The following PTPRN2 variants were observed in gnomAD, a reference collection of about 807,000 sequenced individuals.
PTPRN2 encodes the protein protein tyrosine phosphatase receptor type N2.
PTPRN2 carries 74 observed loss-of-function variants against 118.8 expected under a neutral mutation model. That is an observed-to-expected ratio of 0.62 (90% confidence interval 0.52 to 0.76). The LOEUF (loss-of-function observed/expected upper bound fraction) is 0.76, where lower values mean the gene tolerates loss of function less well. Ranked by LOEUF, PTPRN2 falls within the 30% of genes least tolerant of loss-of-function variation. The pLI is 0.00. For missense variants in PTPRN2, 1,481 were observed against 1,394.4 expected (o/e 1.06, Z -0.99); for synonymous variants, 641 against 608.0 (o/e 1.05, Z -0.80).
At chr7:157,910,705 C>CGTGTGT (rs34091528) in intron 11 of PTPRN2, among the ~76,000 whole-genome samples, 50 of 151,282 alleles carry the variant, frequency 3.3e-4, no homozygotes, top group African/African-American at 7.7e-4. Context: ...CGGCAGGGCA[C>CGTGTGT]GTGTGTGTGT....
At chr7:158,361,632 C>T (rs971405439) in intron 2 of PTPRN2, among the ~76,000 whole-genome samples, 2 of 152,222 alleles carry the variant, frequency 1.3e-5, no homozygotes, top group African/African-American at 2.4e-5. Flanking sequence ...CGGAGCCAGC[C>T]CTGCCCTCAG....
At chr7:158,343,423 G>A (rs1248334501) in intron 2 of PTPRN2, among the ~76,000 whole-genome samples, 1 of 152,208 alleles carries the variant, frequency 6.6e-6, no homozygotes, top group Non-Finnish European at 1.5e-5. Flanking sequence ...GCGTGTGGGT[G>A]AGAACATGGA....
At chr7:158,142,552 G>C (rs556559705) in intron 6 of PTPRN2, among the ~76,000 whole-genome samples, 27 of 152,310 alleles carry the variant, frequency 1.8e-4, no homozygotes, top group African/African-American at 5.3e-4. Flanking sequence ...GATTGGCATG[G>C]AGGCCGCGTA....
At chr7:157,736,564 C>T (rs1481561566) in intron 12 of PTPRN2, among the ~76,000 whole-genome samples, 1 of 152,024 alleles carries the variant, frequency 6.6e-6, no homozygotes, top group Non-Finnish European at 1.5e-5. Context: ...CCGCCCCCCA[C>T]AGCTTGGTCT....
intron 2 of PTPRN2, among the ~76,000 whole-genome samples, chr7:158,421,558 T>C (rs1208558916): frequency 1.3e-5 from 2 of 152,252 alleles, no homozygotes; most frequent in South Asian, 4.1e-4. Flanking sequence ...ACGCAGCAGA[T>C]GGCTTGGATT....
intron 12 of PTPRN2, among the ~76,000 whole-genome samples, chr7:157,737,646 C>T (rs1800380969): frequency 6.6e-6 from 1 of 152,242 alleles, no homozygotes; most frequent in Admixed American, 6.5e-5. Context: ...AGAGTGTTCC[C>T]CTACAGGGAG....
intron 9 of PTPRN2, among the ~76,000 whole-genome samples, chr7:158,118,079 A>C (rs117619431): frequency 6.6e-6 from 1 of 152,204 alleles, no homozygotes; most frequent in Non-Finnish European, 1.5e-5. Flanking sequence ...ATATGATTTA[A>C]GAGACTAGTA....
chr7:158,020,937 A>C (rs1011955715), intron 11 of PTPRN2, among the ~76,000 whole-genome samples: 7 of 152,160 alleles, frequency 4.6e-5, no homozygotes, highest in Non-Finnish European at 7.4e-5. Context: ...TCTATAGAGG[A>C]GGCTGTTCCT....
intron 12 of PTPRN2, among the ~76,000 whole-genome samples, chr7:157,687,545 T>C (rs1797258938): frequency 6.6e-6 from 1 of 152,234 alleles, no homozygotes; most frequent in African/African-American, 2.4e-5. Flanking sequence ...CAGATTTCAG[T>C]CCCAGCCTCA....
intron 13 of PTPRN2, among the ~76,000 whole-genome samples, chr7:157,678,033 A>T (rs1334932012): frequency 1.3e-5 from 2 of 152,226 alleles, no homozygotes; most frequent in African/African-American, 4.8e-5. Flanking sequence ...AGGATTATAA[A>T]ATTAGAAAAA....
intron 9 of PTPRN2, among the ~76,000 whole-genome samples, chr7:158,130,615 C>A (rs111204875): frequency 0.014 from 2,133 of 150,322 alleles, 69 homozygotes; most frequent in African/African-American, 0.043. Context: ...ACCCTACATA[C>A]ACACTCATAT....
intron 1 of PTPRN2, among the ~76,000 whole-genome samples, chr7:158,559,943 T>C (rs1232387645): frequency 6.6e-6 from 1 of 152,230 alleles, no homozygotes; most frequent in Non-Finnish European, 1.5e-5. Flanking sequence ...TGCACATTGT[T>C]CTCCAACAGA....
At chr7:158,185,441 CAGAGG>C (rs1825055462) in intron 5 of PTPRN2, among the ~76,000 whole-genome samples, 1 of 152,172 alleles carries the variant, frequency 6.6e-6, no homozygotes, top group Admixed American at 6.5e-5. Context: ...CAGTTACTGA[CAGAGG>C]AGAGTTTCAA....
rs10282105 is a variant in PTPRN2, at chr7:157,611,336, C to T, written c.2345-7261G>A. 1.0e-2 allele frequency among the ~76,000 whole-genome samples: 1,517 copies of T among 152,262 alleles called. 31 individuals are homozygous for T. The highest frequency in any genetic ancestry group is 0.035 in the African/African-American group (1,434 of 41,546). Reference sequence around the variant, plus strand: ...CCCTGGGGGATTCCCATACCTGAAGCGATTTTAACCCACACTAGTCTCATC... The same window carrying T: ...CCCTGGGGGATTCCCATACCTGAAGTGATTTTAACCCACACTAGTCTCATC... On this transcript the variant is annotated intron_variant, in intron 15 of 22. Transcript: ENST00000389418. The surrounding 1 kb of genome is among the most constrained non-coding windows in gnomAD (Gnocchi z 5.9).
intron 5 of PTPRN2, among the ~76,000 whole-genome samples, chr7:158,191,697 G>C: frequency 6.6e-6 from 1 of 152,144 alleles, no homozygotes; most frequent in East Asian, 1.9e-4. Context: ...TCTGTGATGC[G>C]GGTCCTTGCA....
At chr7:158,366,445 ACACACACC>A (rs1228871753) in intron 2 of PTPRN2, among the ~76,000 whole-genome samples, 8 of 151,754 alleles carry the variant, frequency 5.3e-5, no homozygotes, top group Admixed American at 1.3e-4. Context: ...GTGCACACGC[ACACACACC>A]CACACACCCA....
chr7:157,697,925 T>G (rs1403515894), intron 12 of PTPRN2, among the ~76,000 whole-genome samples: 1 of 145,816 alleles, frequency 6.9e-6, no homozygotes, highest in Admixed American at 6.8e-5. Context: ...GCATACTGGG[T>G]CTTGGCAGAG....
intron 2 of PTPRN2, among the ~76,000 whole-genome samples, chr7:158,449,783 T>A (rs1192359371): frequency 2.0e-5 from 3 of 152,210 alleles, no homozygotes; most frequent in Admixed American, 6.5e-5. Context: ...CTTAGTTCAT[T>A]CACAATCGCA....
In PTPRN2 at chr7:157,656,478, C is replaced by T. The variant is rs1806099919; in HGVS notation, c.2075G>A (p.Ser692Asn). 6.4e-7 allele frequency: 1 copy of T among 1,555,212 alleles called. No individual in the cohort carries two copies. Among genetic ancestry groups the T allele is most frequent in the South Asian group, 1.2e-5 (1 of 84,756 alleles). Residue 692 changes from serine (S) to asparagine (N), a missense_variant, in exon 14 of 23, where the codon AGC becomes AAC. Coordinates refer to ENST00000389418, the MANE Select transcript of PTPRN2 (RefSeq NM_002847.5). ...CCCGTCGCTGAACTGGGATGAGACGCTGCTGATGCGTGACGTGTGCGGGCC... is the reference window on the plus strand; with the variant it reads ...CCCGTCGCTGAACTGGGATGAGACGTTGCTGATGCGTGACGTGTGCGGGCC... ...PEGPHTSRIS[S>N]VSSQFSDGPI...
Sources: allele counts gnomAD v4.1 joint callset (sites outside exome capture counted in the v4.1 genomes callset), GRCh38; gene constraint gnomAD v4.1.1; non-coding constraint Gnocchi (gnomAD v3.1); transcripts MANE v1.5; gene names NCBI Gene and HGNC (gene_info 2026-07-23, HGNC 2026-07-21).